Variants in GRID1 observed in about 807,000 individuals in gnomAD.
GRID1 encodes the protein glutamate ionotropic receptor delta type subunit 1.
Under a neutral mutation model 98.0 loss-of-function variants are expected in GRID1, and 28 were observed. The ratio of observed to expected loss-of-function variants is 0.29; its 90% confidence interval spans 0.21 to 0.39. The LOEUF (loss-of-function observed/expected upper bound fraction) is 0.39. GRID1 is among the 10% of genes least tolerant of loss of function. The pLI is 1.00. For missense variants in GRID1, 1,111 were observed against 1,340.5 expected, an observed-to-expected ratio of 0.83 and a Z score of 2.67; for synonymous variants, 553 against 538.5, an observed-to-expected ratio of 1.03 and a Z score of -0.37.
intron 2 of GRID1, among the ~76,000 whole-genome samples, chr10:86,313,073 G>A (rs967869071): frequency 6.6e-5 from 10 of 152,236 alleles, no homozygotes; most frequent in Non-Finnish European, 1.2e-4. Context: ...GGCCAGGTGG[G>A]TTGGACAGAG....
intron 5 of GRID1, among the ~76,000 whole-genome samples, chr10:85,886,296 G>T (rs140861975): frequency 6.6e-6 from 1 of 152,316 alleles, no homozygotes; most frequent in East Asian, 1.9e-4. Context: ...AAAGATCAGG[G>T]AACCCGAAGA....
intron 3 of GRID1, among the ~76,000 whole-genome samples, chr10:86,196,315 G>C (rs1413639948): frequency 1.3e-5 from 2 of 152,020 alleles, no homozygotes; most frequent in African/African-American, 2.4e-5. Flanking sequence ...CTCAATCACA[G>C]GCCTTGTACC....
At chr10:86,167,805 C>A (rs1845422637) in intron 3 of GRID1, among the ~76,000 whole-genome samples, 1 of 152,202 alleles carries the variant, frequency 6.6e-6, no homozygotes, top group African/African-American at 2.4e-5. Context: ...TCAGCTCGGG[C>A]AGCTACCACC....
intron 4 of GRID1, among the ~76,000 whole-genome samples, chr10:85,956,558 A>T (rs1016310202): frequency 6.6e-6 from 1 of 152,156 alleles, no homozygotes; most frequent in Non-Finnish European, 1.5e-5. Flanking sequence ...ACCACAAGGG[A>T]CCATCTTGGC....
At chr10:86,212,079 C>T (rs1420015216) in intron 2 of GRID1, among the ~76,000 whole-genome samples, 1 of 152,202 alleles carries the variant, frequency 6.6e-6, no homozygotes. Flanking sequence ...ATCACTAATC[C>T]ATGCCCACTA....
At chr10:85,990,227 A>T (rs566038714) in intron 4 of GRID1, among the ~76,000 whole-genome samples, 1 of 152,348 alleles carries the variant, frequency 6.6e-6, no homozygotes, top group South Asian at 2.1e-4. Context: ...CCTGAAACTT[A>T]GGCATCGTTA....
chr10:86,052,649 CA>C (rs1843517571), intron 4 of GRID1: 1 of 151,466 alleles, frequency 6.6e-6, no homozygotes, highest in Admixed American at 6.6e-5. Flanking sequence ...ACAGAGAACA[CA>C]AAAATAAAAG....
At chr10:86,172,781 T>C (rs911951374) in intron 3 of GRID1, among the ~76,000 whole-genome samples, 42 of 152,216 alleles carry the variant, frequency 2.8e-4, no homozygotes, top group Non-Finnish European at 4.1e-4. Context: ...CCGTAAAACC[T>C]AAAATAAAAA....
intron 4 of GRID1, among the ~76,000 whole-genome samples, chr10:86,043,675 C>T (rs1217142518): frequency 1.3e-5 from 2 of 152,222 alleles, no homozygotes; most frequent in Admixed American, 6.5e-5. Flanking sequence ...AAAACCGCTC[C>T]GGAACTGTAC....
chr10:86,064,161 T>A (rs9663542), intron 4 of GRID1, among the ~76,000 whole-genome samples: 4,360 of 152,270 alleles, frequency 0.029, 228 homozygotes, highest in African/African-American at 0.1. Flanking sequence ...AGAAAAACAA[T>A]CTATTGGCCT....
At position 86,073,499 on chromosome 10, in the gene GRID1, T is replaced by C. The variant is rs548789441; in HGVS notation, c.726+65320A>G. On this transcript the variant is annotated intron_variant, in intron 4 of 15. Transcript: ENST00000327946. ...CTGTCTGGTGGGTTCCCTGGGGGTG[T>C]GGTTATGCAGCCTGGAAACAGGGTT... Among the ~76,000 whole-genome samples, 18 of 152,268 alleles carry C rather than the reference T, an allele frequency of 1.2e-4. No homozygotes were observed. The East Asian group carries it at 1.5e-3, about 13-fold the overall frequency.
intron 14 of GRID1, among the ~76,000 whole-genome samples, chr10:85,614,208 T>C (rs1228244139): frequency 1.3e-5 from 2 of 152,152 alleles, no homozygotes; most frequent in African/African-American, 2.4e-5. Context: ...CTAAAAAAAT[T>C]AGCTCAATCA....
intron 5 of GRID1, among the ~76,000 whole-genome samples, chr10:85,883,855 G>A (rs1446719709): frequency 6.6e-6 from 1 of 152,170 alleles, no homozygotes; most frequent in Non-Finnish European, 1.5e-5. Flanking sequence ...TGCAACTCCA[G>A]TCAAGACTGA....
At chr10:86,009,050 T>G (rs1842896072) in intron 4 of GRID1, among the ~76,000 whole-genome samples, 3 of 152,144 alleles carry the variant, frequency 2.0e-5, no homozygotes, top group Admixed American at 2.0e-4. Flanking sequence ...TTCAAAATGC[T>G]AATGAGCTCT....
intron 6 of GRID1, among the ~76,000 whole-genome samples, chr10:85,858,563 C>A (rs1267581207): frequency 6.6e-6 from 1 of 152,194 alleles, no homozygotes; most frequent in Non-Finnish European, 1.5e-5. Context: ...TCTTCCTCCC[C>A]TCTGGAAAAC....
At chr10:85,719,769 T>C (rs1841679460) in intron 12 of GRID1, among the ~76,000 whole-genome samples, 1 of 152,274 alleles carries the variant, frequency 6.6e-6, no homozygotes, top group South Asian at 2.1e-4. Flanking sequence ...CCTCAGCCTA[T>C]GCCTCAAACT....
chr10:86,176,633 G>A (rs1371915991), intron 3 of GRID1, among the ~76,000 whole-genome samples: 3 of 152,228 alleles, frequency 2.0e-5, no homozygotes, highest in Admixed American at 6.5e-5. Flanking sequence ...GCTTGAACTT[G>A]ACCCTGAGGC....
At chr10:86,024,579 G>A (rs1415150252) in intron 4 of GRID1, among the ~76,000 whole-genome samples, 2 of 152,180 alleles carry the variant, frequency 1.3e-5, no homozygotes, top group African/African-American at 2.4e-5. Flanking sequence ...ATGGTGCCGG[G>A]GCTCCATAAG....
At chr10:85,634,935 C>A (rs1843018360) in intron 13 of GRID1, among the ~76,000 whole-genome samples, 1 of 137,698 alleles carries the variant, frequency 7.3e-6, no homozygotes, top group Admixed American at 8.3e-5. Flanking sequence ...ACATTTACAG[C>A]CAGCACTAAG....
Sources: allele counts gnomAD v4.1 joint callset (sites outside exome capture counted in the v4.1 genomes callset), GRCh38; gene constraint gnomAD v4.1.1; transcripts MANE v1.5; gene names NCBI Gene and HGNC (gene_info 2026-07-23, HGNC 2026-07-21).